Variants in CASD1 observed in about 807,000 individuals in gnomAD.
The protein encoded by CASD1 is CAS1 domain sialic acid O acetyltransferase 1.
Under a neutral mutation model 100.0 loss-of-function variants are expected in CASD1, and 41 were observed. The observed-to-expected ratio is 0.41, with a 90% CI of 0.32 to 0.53. CASD1 has a LOEUF of 0.53. Among genes scored for constraint, CASD1 ranks in the 20% least tolerant of loss-of-function variants. The pLI, the probability that CASD1 is intolerant of heterozygous loss-of-function variation, is 0.25. For missense variants in CASD1, 774 were observed against 948.7 expected (o/e 0.82, Z 2.42); for synonymous variants, 321 against 315.6 (o/e 1.02, Z -0.18).
intron 3 of CASD1, among the ~76,000 whole-genome samples, chr7:94,523,700 C>G (rs1045935985): frequency 1.3e-5 from 2 of 151,972 alleles, no homozygotes; most frequent in African/African-American, 4.8e-5. Context: ...GCAACTTTAC[C>G]GATGGATTCT....
chr7:94,618,695 GT>G, the CASD1 span: 3 of 1,387,178 alleles, frequency 2.2e-6, no homozygotes, highest in Non-Finnish European at 3.1e-6. Context: ...TCTATAATAA[GT>G]TTGATAAGAT....
chr7:94,562,845 T>C, the CASD1 span, among the ~76,000 whole-genome samples: 1 of 152,090 alleles, frequency 6.6e-6, no homozygotes, highest in African/African-American at 2.4e-5. Flanking sequence ...CTGGGAGTGG[T>C]TTCATTTTAG....
chr7:94,615,781 T>C, the CASD1 span, among the ~76,000 whole-genome samples: 1 of 152,178 alleles, frequency 6.6e-6, no homozygotes, highest in Non-Finnish European at 1.5e-5. Context: ...CCATTTACAC[T>C]ACATCACTCG....
At chr7:94,586,085 AAAC>A in the CASD1 span, among the ~76,000 whole-genome samples, 4 of 150,678 alleles carry the variant, frequency 2.7e-5, no homozygotes, top group African/African-American at 9.7e-5. Context: ...AAAAAAAAAA[AAAC>A]AACAACTTCA....
the CASD1 span, among the ~76,000 whole-genome samples, chr7:94,579,643 A>G: frequency 2.0e-5 from 3 of 151,980 alleles, no homozygotes; most frequent in African/African-American, 2.4e-5. Context: ...CTTTTTTGCT[A>G]TTGGAGAAAT....
rs547419793 is a variant in CASD1 at position 94,510,250 on chromosome 7, C to T, written c.133+33C>T. ...GGCCCTCCCCTCTGCCCGGGCAGGC[C>T]GTGGGGGAGGCGGCGACGCGGCGGC... On this transcript the variant is annotated intron_variant, in intron 1 of 17. Transcript: ENST00000297273. The T allele has an allele frequency of 7.9e-5, 109 of 1,386,566 alleles. 6 individuals are homozygous for T. In the South Asian group the frequency reaches 1.7e-3, roughly 21 times the overall value. 85.9% of individuals were successfully genotyped at this position (1,386,566 alleles called of 1,614,324 possible).
At chr7:94,572,791 AT>A in the CASD1 span, among the ~76,000 whole-genome samples, 1 of 152,094 alleles carries the variant, frequency 6.6e-6, no homozygotes, top group Non-Finnish European at 1.5e-5. Flanking sequence ...TGTCTTTGTC[AT>A]GAAATCTTTG....
chr7:94,530,744 A>G (rs1794812215), intron 5 of CASD1, among the ~76,000 whole-genome samples: 2 of 152,096 alleles, frequency 1.3e-5, no homozygotes, highest in Non-Finnish European at 2.9e-5. Context: ...AGTTATTTGA[A>G]TGGAAGAAAT....
intron 16 of CASD1, chr7:94,553,910 A>C (rs35444709): frequency 0.079 from 11,986 of 152,166 alleles, 706 homozygotes; most frequent in East Asian, 0.23. Context: ...GGATCCCAAA[A>C]GCTGGAGATT....
chr7:94,572,433 A>G, the CASD1 span, among the ~76,000 whole-genome samples: 1 of 152,136 alleles, frequency 6.6e-6, no homozygotes, highest in Non-Finnish European at 1.5e-5. Flanking sequence ...GTGGTGGTAT[A>G]TAGGAATGCT....
At chr7:94,582,399 A>G in the CASD1 span, among the ~76,000 whole-genome samples, 1 of 152,194 alleles carries the variant, frequency 6.6e-6, no homozygotes, top group Non-Finnish European at 1.5e-5. Flanking sequence ...CTGCAATTAC[A>G]GGCGTGAGCC....
chr7:94,566,818 A>G, the CASD1 span, among the ~76,000 whole-genome samples: 1 of 152,046 alleles, frequency 6.6e-6, no homozygotes, highest in East Asian at 1.9e-4. Flanking sequence ...CCCTCAATTG[A>G]CCATTTGTCT....
rs1795638397 is a variant in CASD1 at position 94,545,602 on chromosome 7, TA to T, written c.1535del (p.Tyr512PhefsTer21). 1 of 1,608,984 alleles carries T rather than the reference TA, an allele frequency of 6.2e-7. No individual in the cohort carries two copies. Among genetic ancestry groups the T allele is most frequent in the African/African-American group, 1.3e-5 (1 of 74,812 alleles). ...VVLCIVMDRP[Y>X]QFYYFVPLVT... ...GTTATGTATAGTAATGGATCGACCTTATCAATTCTATTACTTTGTCCCCTTG... is the reference window on the plus strand; with the variant it reads ...GTTATGTATAGTAATGGATCGACCTTTCAATTCTATTACTTTGTCCCCTTG... On this transcript the variant is annotated frameshift_variant, in exon 12 of 18. Transcript: ENST00000297273. LOFTEE classifies it high-confidence loss of function.
At chr7:94,513,599 A>G (rs75943158) in intron 1 of CASD1, among the ~76,000 whole-genome samples, 1,733 of 152,324 alleles carry the variant, frequency 0.011, 34 homozygotes, top group African/African-American at 0.04. Context: ...AGCAGTAGGA[A>G]TTAGCAGTTC....
chr7:94,570,129 A>G, the CASD1 span, among the ~76,000 whole-genome samples: 1 of 152,066 alleles, frequency 6.6e-6, no homozygotes, highest in South Asian at 2.1e-4. Context: ...CTGACTTTTC[A>G]TTGCAAAGTT....
chr7:94,584,232 A>G, the CASD1 span, among the ~76,000 whole-genome samples: 2 of 152,164 alleles, frequency 1.3e-5, no homozygotes, highest in South Asian at 4.1e-4. Context: ...TATTAGGAGC[A>G]GTTTGATTTC....
In CASD1 at chr7:94,510,195, C is replaced by A; in HGVS notation, c.111C>A (p.His37Gln). 1 of 1,483,380 alleles carries A rather than the reference C, an allele frequency of 6.7e-7. No homozygotes were observed. The highest frequency in any genetic ancestry group is 8.9e-7 in the Non-Finnish European group (1 of 1,117,458). The allele number at this position is 1,483,380 out of a possible 1,614,324, so 91.9% of individuals were successfully genotyped here. ...LVAVLLLAAC[H>Q]LASRRYRGND... is the part of the protein sequence containing the mutation. ...CCGTGCTGCTGCTCGCAGCGTGCCA[C>A]CTCGCCTCCCGCCGCTACCGAGGTG... The change falls in exon 1 of 18, where the codon CAC (histidine) becomes CAA (glutamine). Residue 37 changes from histidine to glutamine, a missense_variant. Around this residue, in one of 5 missense-constraint regions of CASD1, gnomAD observed 75 missense variants for 60.9 expected, o/e 1.23. Transcript: ENST00000297273.
At chr7:94,617,157 G>A in the CASD1 span, 1 of 152,144 alleles carries the variant, frequency 6.6e-6, no homozygotes, top group Admixed American at 6.5e-5. Context: ...TCTCTAGGGG[G>A]AACAAAGGCC....
chr7:94,607,212 A>G, the CASD1 span, among the ~76,000 whole-genome samples: 1 of 152,214 alleles, frequency 6.6e-6, no homozygotes, highest in African/African-American at 2.4e-5. Flanking sequence ...GTTGAATTCT[A>G]CTAGACATTT....
Sources: allele counts gnomAD v4.1 joint callset (sites outside exome capture counted in the v4.1 genomes callset), GRCh38; gene constraint gnomAD v4.1.1; regional missense constraint gnomAD v4.1.1; transcripts MANE v1.5; gene names NCBI Gene and HGNC (gene_info 2026-07-23, HGNC 2026-07-21).